The following NTM variants were observed in gnomAD, a reference collection of about 807,000 sequenced individuals.
The protein encoded by NTM is neurotrimin.
Under a neutral mutation model 42.1 loss-of-function variants are expected in NTM, and 13 were observed. The ratio of observed to expected loss-of-function variants is 0.31; its 90% CI spans 0.20 to 0.49. NTM has a LOEUF of 0.49. Ranked by LOEUF, NTM falls within the 20% of genes least tolerant of loss-of-function variation. The pLI is 0.99. For synonymous variants in NTM, 187 were observed against 179.2 expected, an observed-to-expected ratio of 1.04 and a Z score of -0.35; for missense variants, 373 against 452.8, an observed-to-expected ratio of 0.82 and a Z score of 1.60.
At chr11:132,138,730 A>G (rs2068491032) in intron 2 of NTM, among the ~76,000 whole-genome samples, 1 of 152,060 alleles carries the variant, frequency 6.6e-6, no homozygotes, top group Admixed American at 6.5e-5. Flanking sequence ...ACAGGAGAGG[A>G]ATGTCCCAGC....
intron 1 of NTM, among the ~76,000 whole-genome samples, chr11:131,800,659 T>C (rs1285466287): frequency 2.0e-5 from 3 of 152,232 alleles, no homozygotes; most frequent in Admixed American, 1.3e-4. Flanking sequence ...CCCCTGCTGC[T>C]TGGATGATAG....
intron 2 of NTM, among the ~76,000 whole-genome samples, chr11:132,071,611 A>G (rs1235254586): frequency 6.6e-6 from 1 of 152,190 alleles, no homozygotes; most frequent in African/African-American, 2.4e-5. Flanking sequence ...GGCATGGTAA[A>G]TATTTAGAAT....
In NTM at chr11:131,595,538, G is replaced by A. The variant is rs2059742009; in HGVS notation, c.82+224650G>A. Among the ~76,000 whole-genome samples the A allele has an allele frequency of 2.0e-5, 3 of 152,318 alleles. No homozygotes were observed. The South Asian group carries it at 6.2e-4, about 32-fold the overall frequency. Reference sequence around the variant, plus strand: ...AATGACATCTCCATCCCAAGCAATTGTGTTTCCCCCTTATTCTAAAACACA... The same window carrying A: ...AATGACATCTCCATCCCAAGCAATTATGTTTCCCCCTTATTCTAAAACACA... On this transcript the variant is annotated intron_variant, in intron 1 of 8. Transcript: ENST00000683400.
chr11:132,183,986 A>G (rs1033694807), intron 3 of NTM, among the ~76,000 whole-genome samples: 1 of 151,982 alleles, frequency 6.6e-6, no homozygotes, highest in Non-Finnish European at 1.5e-5. Context: ...TTCAGAAAAA[A>G]GGACCGACCG....
chr11:131,655,434 C>T (rs2067057097), intron 1 of NTM, among the ~76,000 whole-genome samples: 1 of 152,196 alleles, frequency 6.6e-6, no homozygotes, highest in Admixed American at 6.5e-5. Context: ...TTTGGCAACA[C>T]CTCAGAGAAA....
intron 2 of NTM, among the ~76,000 whole-genome samples, chr11:132,048,816 T>A (rs941110217): frequency 1.2e-5 from 1 of 83,616 alleles, no homozygotes; most frequent in South Asian, 5.0e-4. Context: ...CTTTTCTTTT[T>A]TCTTTTTTTT....
intron 3 of NTM, among the ~76,000 whole-genome samples, chr11:132,164,190 T>C (rs1013290049): frequency 6.6e-6 from 1 of 152,200 alleles, no homozygotes; most frequent in Admixed American, 6.5e-5. Flanking sequence ...AAAATCGCTG[T>C]GTAATCTTGG....
intron 2 of NTM, among the ~76,000 whole-genome samples, chr11:131,943,622 C>T (rs1200188317): frequency 6.6e-6 from 1 of 152,198 alleles, no homozygotes; most frequent in Non-Finnish European, 1.5e-5. Context: ...CCTTCACTCT[C>T]TGAGCACCTA....
intron 2 of NTM, among the ~76,000 whole-genome samples, chr11:131,969,253 A>G (rs1424647540): frequency 1.3e-5 from 2 of 152,106 alleles, no homozygotes; most frequent in Non-Finnish European, 2.9e-5. Flanking sequence ...CTCTTGAGTG[A>G]GCACCAAGAA....
chr11:132,237,190 G>A (rs1157655932), intron 4 of NTM, among the ~76,000 whole-genome samples: 1 of 152,208 alleles, frequency 6.6e-6, no homozygotes, highest in Non-Finnish European at 1.5e-5. Flanking sequence ...CCATCATCCT[G>A]AAGAAATGCC....
chr11:131,556,339 C>G (rs903981343), intron 1 of NTM, among the ~76,000 whole-genome samples: 1 of 152,170 alleles, frequency 6.6e-6, no homozygotes, highest in Admixed American at 6.5e-5. Context: ...GAAGAACAAT[C>G]TCCTCTATAC....
At chr11:131,992,382 G>T (rs2135130103) in intron 2 of NTM, among the ~76,000 whole-genome samples, 1 of 152,020 alleles carries the variant, frequency 6.6e-6, no homozygotes, top group African/African-American at 2.4e-5. Flanking sequence ...TAATAATTTA[G>T]TTTTGGGGGA....
intron 1 of NTM, among the ~76,000 whole-genome samples, chr11:131,763,280 T>A (rs2084524244): frequency 6.6e-6 from 1 of 152,230 alleles, no homozygotes; most frequent in Non-Finnish European, 1.5e-5. Context: ...TATGTTAATA[T>A]TATGATAACC....
intron 2 of NTM, among the ~76,000 whole-genome samples, chr11:132,087,561 C>T (rs975646113): frequency 1.3e-5 from 2 of 152,120 alleles, no homozygotes; most frequent in African/African-American, 4.8e-5. Context: ...AGACTGGCTG[C>T]TACCTCCTTA....
intron 1 of NTM, among the ~76,000 whole-genome samples, chr11:131,842,598 C>G (rs1343683029): frequency 1.3e-5 from 2 of 152,154 alleles, no homozygotes; most frequent in Non-Finnish European, 2.9e-5. Context: ...ACAAAAAAAT[C>G]TTGAACTGAC....
Position 131,796,236 on chromosome 11 carries a change from C to G in NTM, c.83-115328C>G, listed in dbSNP as rs1163717670. ...CTAGAACCTGTACCTGTGGAAGAGG[C>G]CATGCACAGGTGCGGCCCAGCCCTC... On this transcript the variant is annotated intron_variant, in intron 1 of 8. Transcript: ENST00000683400. 19 of 905,260 alleles carry G rather than the reference C, an allele frequency of 2.1e-5. No individual in the cohort carries two copies. In the Admixed American group the frequency reaches 1.2e-3, roughly 56 times the overall value. 56.1% of individuals were successfully genotyped at this position (905,260 alleles called of 1,614,324 possible). A position where few individuals can be genotyped will look rare whatever the true frequency, so the allele number is the denominator to read the frequency against.
chr11:131,806,064 C>T (rs1478128066), intron 1 of NTM, among the ~76,000 whole-genome samples: 11 of 152,088 alleles, frequency 7.2e-5, no homozygotes, highest in Admixed American at 5.2e-4. Context: ...TTTCTTTTCT[C>T]TGTTGTATCT....
chr11:131,500,577 A>ATT (rs71475759), intron 1 of NTM, among the ~76,000 whole-genome samples: 12 of 76,196 alleles, frequency 1.6e-4, no homozygotes, highest in Admixed American at 2.7e-4. Flanking sequence ...ATATATATAT[A>ATT]TTTTTTTTTT....
At chr11:131,721,777 G>A (rs1178388606) in intron 1 of NTM, among the ~76,000 whole-genome samples, 14 of 151,872 alleles carry the variant, frequency 9.2e-5, no homozygotes, top group Non-Finnish European at 1.8e-4. Flanking sequence ...TGGGAGGATC[G>A]TCTGAGGTCG....
Sources: allele counts gnomAD v4.1 joint callset (sites outside exome capture counted in the v4.1 genomes callset), GRCh38; gene constraint gnomAD v4.1.1; transcripts MANE v1.5; gene names NCBI Gene and HGNC (gene_info 2026-07-23, HGNC 2026-07-21).